Variants in TNFRSF10B observed in about 807,000 individuals in gnomAD.
TNFRSF10B encodes TNF receptor superfamily member 10b.
A neutral mutation model predicts 41.4 loss-of-function variants in TNFRSF10B; 35 were observed. That is an observed-to-expected ratio of 0.85 (90% CI 0.65 to 1.12). The LOEUF (loss-of-function observed/expected upper bound fraction) is 1.12, where lower values mean the gene tolerates loss of function less well. Among genes scored for constraint, TNFRSF10B ranks in the 50% most tolerant of loss-of-function variants. TNFRSF10B has a pLI of 0.00. For synonymous variants in TNFRSF10B, 230 were observed against 215.5 expected (o/e 1.07, Z -0.59); for missense variants, 584 against 552.7 (o/e 1.06, Z -0.57).
chr8:23,065,194 G>C (rs1319314203), intron 1 of TNFRSF10B, among the ~76,000 whole-genome samples: 1 of 152,182 alleles, frequency 6.6e-6, no homozygotes, highest in Non-Finnish European at 1.5e-5. Context: ...CCAGAGTAAA[G>C]GGTTCCTCCT....
At chr8:23,041,662 C>T (rs1347711802) in intron 2 of TNFRSF10B, among the ~76,000 whole-genome samples, 1 of 149,932 alleles carries the variant, frequency 6.7e-6, no homozygotes, top group African/African-American at 2.5e-5. Context: ...CCTAGGAGAA[C>T]CAGTGTACAA....
intron 2 of TNFRSF10B, among the ~76,000 whole-genome samples, chr8:23,036,198 G>A (rs1020792842): frequency 6.6e-5 from 10 of 152,152 alleles, no homozygotes; most frequent in South Asian, 2.1e-4. Context: ...ACTGCTCATC[G>A]TGAACTGAGT....
chr8:23,046,080 A>C (rs1031978425), intron 1 of TNFRSF10B, among the ~76,000 whole-genome samples: 1 of 152,204 alleles, frequency 6.6e-6, no homozygotes, highest in Non-Finnish European at 1.5e-5. Flanking sequence ...TGGAAGTCCT[A>C]GCCAGAGCAA....
At chr8:23,042,955 T>A (rs576264624) in intron 2 of TNFRSF10B, 183 bp downstream of exon 2, 91 of 582,726 alleles carry the variant, frequency 1.6e-4, no homozygotes, top group Middle Eastern at 6.0e-4. Flanking sequence ...TTTGGCTGTC[T>A]CATTCATTTG....
Position 23,030,740 on chromosome 8 carries a change from G to C in TNFRSF10B, c.364+19C>G, listed in dbSNP as rs758685049. 1.7e-5 allele frequency: 27 copies of C among 1,587,320 alleles called. No homozygotes were observed. The highest frequency in any genetic ancestry group is 6.0e-6 in the Non-Finnish European group (7 of 1,159,016). ...ACCCCGCATTCCACCTTTAGGCATG[G>C]GGTCCATATGTTCTGTACCTGAATC... On this transcript the variant is annotated intron_variant, in intron 3 of 8. Transcript: ENST00000276431.
chr8:23,049,793 G>C (rs1563319289), intron 1 of TNFRSF10B: 1 of 151,994 alleles, frequency 6.6e-6, no homozygotes, highest in African/African-American at 2.4e-5. Flanking sequence ...CTCATTATTG[G>C]GCAGCGAGAT....
intron 7 of TNFRSF10B, among the ~76,000 whole-genome samples, chr8:23,025,286 T>A (rs1196827674): frequency 6.6e-6 from 1 of 152,180 alleles, no homozygotes; most frequent in African/African-American, 2.4e-5. Flanking sequence ...AAATCTCGAT[T>A]GAGTCATAAT....
At position 23,055,327 on chromosome 8, in the gene TNFRSF10B, C is replaced by T. The variant is rs139093273; in HGVS notation, c.145-12084G>A. 2.0e-4 allele frequency among the ~76,000 whole-genome samples: 30 copies of T among 152,160 alleles called. 1 individual carries two copies. The East Asian group carries it at 5.2e-3, about 26-fold the overall frequency. On this transcript the variant is annotated intron_variant, in intron 1 of 8. Coordinates refer to ENST00000276431, the MANE Select transcript of TNFRSF10B (RefSeq NM_003842.5). ...TGGTGCCCCATAACAATGACCCTCT[C>T]TCAGCTGAAAGTAGCCAGAAAGATT...
At chr8:23,041,161 C>A (rs1316010187) in intron 2 of TNFRSF10B, among the ~76,000 whole-genome samples, 1 of 151,354 alleles carries the variant, frequency 6.6e-6, no homozygotes, top group Non-Finnish European at 1.5e-5. Flanking sequence ...CGGGTTCAAG[C>A]GATTCTCCTG....
At chr8:23,068,259 C>A in intron 1 of TNFRSF10B, 1 of 177,690 alleles carries the variant, frequency 5.6e-6, no homozygotes, top group Non-Finnish European at 1.2e-5. Flanking sequence ...GCAGCGACCA[C>A]AGGGGAGTTC....
At chr8:23,025,156 GAAAGA>G (rs1811665843) in intron 7 of TNFRSF10B, among the ~76,000 whole-genome samples, 2 of 151,910 alleles carry the variant, frequency 1.3e-5, no homozygotes, top group South Asian at 4.2e-4. Context: ...ATCTCAGAAA[GAAAGA>G]AAAGAAAAGT....
chr8:23,064,868 A>G (rs2128821977), intron 1 of TNFRSF10B, among the ~76,000 whole-genome samples: 1 of 152,316 alleles, frequency 6.6e-6, no homozygotes, highest in South Asian at 2.1e-4. Context: ...AGAACTTTAA[A>G]CACATGCTCT....
chr8:23,048,453 A>AC (rs912109450), intron 1 of TNFRSF10B, among the ~76,000 whole-genome samples: 1 of 151,634 alleles, frequency 6.6e-6, no homozygotes, highest in African/African-American at 2.4e-5. Flanking sequence ...AAAAAAAAAA[A>AC]AAACAACTGA....
At chr8:23,040,378 T>C (rs1196133986) in intron 2 of TNFRSF10B, among the ~76,000 whole-genome samples, 4 of 75,550 alleles carry the variant, frequency 5.3e-5, no homozygotes, top group East Asian at 9.8e-4. Context: ...TAAATATATA[T>C]ACAAAATATA....
At chr8:23,032,270 C>T (rs76826036) in intron 2 of TNFRSF10B, among the ~76,000 whole-genome samples, 18,627 of 152,166 alleles carry the variant, frequency 0.12, 1,603 homozygotes, top group Non-Finnish European at 0.17. Flanking sequence ...TCTGAATGAG[C>T]TCCTAGCCAG....
chr8:23,033,813 G>C (rs1811955453), intron 2 of TNFRSF10B, among the ~76,000 whole-genome samples: 2 of 151,940 alleles, frequency 1.3e-5, no homozygotes, highest in Non-Finnish European at 2.9e-5. Flanking sequence ...GAGGGGGGGA[G>C]AGAGAGAGCG....
chr8:23,023,383 C>T (rs766107714), intron 8 of TNFRSF10B, among the ~76,000 whole-genome samples: 47 of 152,150 alleles, frequency 3.1e-4, no homozygotes, highest in Non-Finnish European at 4.3e-4. Context: ...CCCAGGGCGG[C>T]CACTTCTGCA....
At chr8:23,039,343 T>C (rs1812107717) in intron 2 of TNFRSF10B, among the ~76,000 whole-genome samples, 1 of 151,896 alleles carries the variant, frequency 6.6e-6, no homozygotes, top group Non-Finnish European at 1.5e-5. Context: ...CTTAAGGAAT[T>C]GGTTCACATA....
At chr8:23,032,451 G>A (rs1811911258) in intron 2 of TNFRSF10B, among the ~76,000 whole-genome samples, 2 of 152,176 alleles carry the variant, frequency 1.3e-5, no homozygotes, top group Non-Finnish European at 2.9e-5. Flanking sequence ...TTTCAAAATT[G>A]GAAAGTGTGA....
Sources: allele counts gnomAD v4.1 joint callset (sites outside exome capture counted in the v4.1 genomes callset), GRCh38; gene constraint gnomAD v4.1.1; transcripts MANE v1.5; gene names NCBI Gene and HGNC (gene_info 2026-07-23, HGNC 2026-07-21).